STXBP5L: variants seen among roughly 807,000 people sequenced by gnomAD.
The protein encoded by STXBP5L is syntaxin binding protein 5L, also known as syntaxin-binding protein 5-like.
A neutral mutation model predicts 144.5 loss-of-function variants in STXBP5L; 65 were observed. The observed-to-expected ratio is 0.45, with a 90% CI of 0.37 to 0.55. The LOEUF is 0.55. STXBP5L is among the 20% of genes least tolerant of loss of function. The pLI is 0.00. For synonymous variants in STXBP5L, 505 were observed against 469.6 expected (o/e 1.08, Z -0.97); for missense variants, 1,298 against 1,405.5 (o/e 0.92, Z 1.22).
chr3:121,304,992 G>A (rs2043288694), intron 19 of STXBP5L, among the ~76,000 whole-genome samples: 1 of 151,728 alleles, frequency 6.6e-6, no homozygotes, highest in East Asian at 1.9e-4. Context: ...TGAAAAAAAA[G>A]CATCACTGAA....
intron 2 of STXBP5L, among the ~76,000 whole-genome samples, chr3:120,954,349 CAA>C (rs1937786468): frequency 6.6e-6 from 1 of 151,974 alleles, no homozygotes; most frequent in African/African-American, 2.4e-5. Context: ...CATCTTTACT[CAA>C]AAAAGTTTCT....
intron 19 of STXBP5L, among the ~76,000 whole-genome samples, chr3:121,301,851 T>C (rs1211900715): frequency 6.6e-6 from 1 of 152,206 alleles, no homozygotes; most frequent in African/African-American, 2.4e-5. Context: ...ATTACAATTA[T>C]TGATTTGCGT....
intron 19 of STXBP5L, among the ~76,000 whole-genome samples, chr3:121,309,673 A>G (rs2043459691): frequency 6.6e-6 from 1 of 152,182 alleles, no homozygotes; most frequent in South Asian, 2.1e-4. Context: ...GCAGAAAGAA[A>G]CATTTAAAAA....
At chr3:121,124,609 T>C (rs931711704) in intron 7 of STXBP5L, among the ~76,000 whole-genome samples, 1 of 152,052 alleles carries the variant, frequency 6.6e-6, no homozygotes, top group Non-Finnish European at 1.5e-5. Flanking sequence ...GATTATCAAA[T>C]ATTATTGATT....
chr3:121,078,790 G>A (rs1350947287), intron 5 of STXBP5L, among the ~76,000 whole-genome samples: 3 of 152,280 alleles, frequency 2.0e-5, no homozygotes, highest in African/African-American at 7.2e-5. Context: ...CGCAGCCGCT[G>A]GCCCAGGTGC....
chr3:121,273,299 G>GTT (rs887233615), intron 18 of STXBP5L, among the ~76,000 whole-genome samples: 2 of 144,732 alleles, frequency 1.4e-5, no homozygotes, highest in African/African-American at 5.0e-5. Flanking sequence ...TTGGATGGCA[G>GTT]TTTTTTTTTT....
intron 3 of STXBP5L, among the ~76,000 whole-genome samples, chr3:121,040,246 A>T (rs909533963): frequency 2.6e-5 from 4 of 152,046 alleles, no homozygotes; most frequent in Admixed American, 1.3e-4. Flanking sequence ...TTTAGTATGC[A>T]GTTAAGCTAT....
intron 9 of STXBP5L, 53 bp downstream of exon 9, chr3:121,157,680 T>C (rs2046169364): frequency 6.4e-7 from 1 of 1,564,264 alleles, no homozygotes; most frequent in African/African-American, 1.4e-5. Flanking sequence ...GTGCCTTGAC[T>C]TGAAGTAAGA....
intron 20 of STXBP5L, among the ~76,000 whole-genome samples, chr3:121,321,573 G>T (rs755795386): frequency 6.6e-6 from 1 of 152,126 alleles, no homozygotes. Context: ...ATCTGAGGTG[G>T]GGCCTGAGAT....
intron 3 of STXBP5L, among the ~76,000 whole-genome samples, chr3:121,025,839 G>A (rs1470361036): frequency 6.8e-6 from 1 of 146,986 alleles, no homozygotes; most frequent in Non-Finnish European, 1.5e-5. Flanking sequence ...CTTATATAAA[G>A]TAATTTTTAA....
intron 20 of STXBP5L, among the ~76,000 whole-genome samples, chr3:121,368,609 T>A (rs1303573053): frequency 1.3e-5 from 2 of 152,148 alleles, no homozygotes; most frequent in African/African-American, 4.8e-5. Flanking sequence ...GAAATCATAT[T>A]TGCTCCATTT....
chr3:121,110,675 C>A (rs754627241), intron 5 of STXBP5L, among the ~76,000 whole-genome samples: 1 of 152,040 alleles, frequency 6.6e-6, no homozygotes, highest in Non-Finnish European at 1.5e-5. Context: ...TCTTTCATTT[C>A]GACCTTACAG....
chr3:121,001,397 C>G (rs1206957901), intron 3 of STXBP5L, among the ~76,000 whole-genome samples: 1 of 152,204 alleles, frequency 6.6e-6, no homozygotes, highest in African/African-American at 2.4e-5. Context: ...TCACATCCCA[C>G]AGGCACGATA....
intron 18 of STXBP5L, among the ~76,000 whole-genome samples, chr3:121,277,904 G>C (rs73183126): frequency 0.035 from 5,392 of 151,992 alleles, 146 homozygotes; most frequent in Middle Eastern, 0.082. Context: ...GTGAGCTCTG[G>C]GAATTGTTCT....
At position 121,419,107 on chromosome 3, in the gene STXBP5L, A is replaced by G. The variant is rs1329500398; in HGVS notation, c.*10A>G. The G allele has an allele frequency of 4.4e-6, 7 of 1,608,920 alleles. No individual in the cohort carries two copies. In the East Asian group the frequency reaches 1.1e-4, roughly 26 times the overall value. On this transcript the variant is annotated 3_prime_UTR_variant, in exon 27 of 27. Coordinates refer to ENST00000471454, the MANE Select transcript of STXBP5L (RefSeq NM_001308330.2). ...ATGGTACCAATTCTGACTTCTAAAG[A>G]AGCTGTGACTGCTTTGAGAAACCAT...
chr3:121,273,557 A>G (rs1219306993), intron 18 of STXBP5L, among the ~76,000 whole-genome samples: 1 of 152,100 alleles, frequency 6.6e-6, no homozygotes, highest in Non-Finnish European at 1.5e-5. Flanking sequence ...TCTCAAGGTT[A>G]TCAAAGTTTT....
chr3:121,199,623 A>C (rs1407474153), intron 9 of STXBP5L, among the ~76,000 whole-genome samples: 2 of 152,184 alleles, frequency 1.3e-5, no homozygotes, highest in Non-Finnish European at 2.9e-5. Flanking sequence ...TGGGTTTTTC[A>C]TAAATAGCTT....
chr3:121,157,516 A>G lies in STXBP5L; in HGVS notation c.766A>G (p.Ile256Val), dbSNP rs373901115. The change falls in exon 9 of 27, where the codon ATT becomes GTT. Residue 256 changes from isoleucine to valine, a missense_variant. By Grantham distance (29) the Ile-to-Val change is conservative. Coordinates refer to ENST00000471454, the MANE Select transcript of STXBP5L (RefSeq NM_001308330.2). Reference sequence around the variant, plus strand: ...GTTATTTTATTAGGCTATTCATTCAATTGATTGGCATCATGAGGGCAAACA... The same window carrying G: ...GTTATTTTATTAGGCTATTCATTCAGTTGATTGGCATCATGAGGGCAAACA... ...RVYYDEAIHS[I>V]DWHHEGKQFM... The G allele has an allele frequency of 5.6e-5, 89 of 1,580,770 alleles. No individual in the cohort carries two copies. The highest frequency in any genetic ancestry group is 1.2e-4 in the African/African-American group (9 of 72,414).
At chr3:121,090,863 G>A (rs1022286464) in intron 5 of STXBP5L, among the ~76,000 whole-genome samples, 1 of 151,692 alleles carries the variant, frequency 6.6e-6, no homozygotes, top group Non-Finnish European at 1.5e-5. Context: ...GTGACATGCT[G>A]GTGTGCTGCA....
Sources: gnomAD v4.1 joint callset for allele counts (sites outside exome capture counted in the v4.1 genomes callset) on GRCh38, gnomAD v4.1.1 for gene constraint, MANE v1.5 for transcripts, NCBI Gene and HGNC (gene_info 2026-07-23, HGNC 2026-07-21) for gene names.